The following RCBTB1 variants were observed in gnomAD, a reference collection of about 807,000 sequenced individuals.
RCBTB1 encodes RCC1 and BTB domain containing protein 1.
RCBTB1 carries 46 observed loss-of-function variants against 62.4 expected under a neutral mutation model. The ratio of observed to expected loss-of-function variants is 0.74; its 90% CI spans 0.58 to 0.94. The LOEUF is 0.94. RCBTB1 is among the 40% of genes least tolerant of loss of function. RCBTB1 has a pLI of 0.00. For missense variants in RCBTB1, 565 were observed against 654.9 expected (o/e 0.86, Z 1.50); for synonymous variants, 222 against 245.8 (o/e 0.90, Z 0.91).
In RCBTB1 at chr13:49,581,588, C is replaced by T. The variant is rs552913242; in HGVS notation, c.-121-1004G>A. ...ATTTGGAAATCTGGCATGAAATCAC[C>T]CAGGAAAAAAGCAAGTGAAATAAGG... On this transcript the variant is annotated intron_variant, in intron 1 of 12. Coordinates refer to ENST00000378302, the MANE Select transcript of RCBTB1 (RefSeq NM_018191.4). Among the ~76,000 whole-genome samples the T allele has an allele frequency of 2.0e-4, 30 of 152,078 alleles. No individual in the cohort carries two copies. In the South Asian group the frequency reaches 4.8e-3, roughly 24 times the overall value.
At chr13:49,558,730 A>G (rs2139223088) in intron 5 of RCBTB1, among the ~76,000 whole-genome samples, 1 of 150,266 alleles carries the variant, frequency 6.7e-6, no homozygotes, top group Middle Eastern at 3.4e-3. Context: ...CACAAAGTAG[A>G]CAATAACCAT....
chr13:49,551,603 T>C (rs1961349980), intron 7 of RCBTB1, 135 bp from the exon 8 acceptor site: 1 of 1,045,216 alleles, frequency 9.6e-7, no homozygotes, highest in Non-Finnish European at 1.4e-6. Context: ...GCTGGAACAT[T>C]AAAAAAGCAT....
At chr13:49,534,326 C>A in intron 12 of RCBTB1, 64 bp from the exon 13 acceptor site, 1 of 1,522,720 alleles carries the variant, frequency 6.6e-7, no homozygotes, top group Non-Finnish European at 8.9e-7. Context: ...TGAATTACTT[C>A]TCTCTGAGCC....
At chr13:49,549,319 C>T (rs1594274055) in intron 9 of RCBTB1, 139 bp downstream of exon 9, 3 of 724,188 alleles carry the variant, frequency 4.1e-6, no homozygotes, top group East Asian at 5.8e-5. Context: ...TGATTATGCA[C>T]ATCTATTTTG....
chr13:49,584,136 C>G (rs551736135), intron 1 of RCBTB1, among the ~76,000 whole-genome samples: 1 of 152,194 alleles, frequency 6.6e-6, no homozygotes, highest in African/African-American at 2.4e-5. Context: ...CATACGGGCA[C>G]GCTTTAAAAT....
chr13:49,546,105 C>A (rs1231311824), intron 9 of RCBTB1: 7 of 985,240 alleles, frequency 7.1e-6, no homozygotes, highest in Non-Finnish European at 8.4e-6. Context: ...CTAAGATGGG[C>A]CAAGAGTCCA....
intron 2 of RCBTB1, among the ~76,000 whole-genome samples, chr13:49,572,291 C>T (rs929415172): frequency 5.4e-5 from 8 of 148,766 alleles, no homozygotes; most frequent in Admixed American, 2.0e-4. Context: ...CATGCCACTG[C>T]ACTCCAGCCT....
At position 49,534,033 on chromosome 13, in the gene RCBTB1, T is replaced by G; in HGVS notation, c.*89A>C. On this transcript the variant is annotated 3_prime_UTR_variant, in exon 13 of 13. Transcript: ENST00000378302. ...AAAAACAACCTGATGGTCTTTTACC[T>G]GCAGAATCACATCACCCGTAGAGCA... 3 of 1,379,748 alleles carry G rather than the reference T, an allele frequency of 2.2e-6. No individual in the cohort carries two copies. The highest frequency in any genetic ancestry group is 1.4e-5 in the African/African-American group (1 of 68,992). The allele number at this position is 1,379,748 out of a possible 1,614,324, so 85.5% of individuals were successfully genotyped here. A position where few individuals can be genotyped will look rare whatever the true frequency, so the allele number is the denominator to read the frequency against.
chr13:49,558,695 C>CAAAA (rs1186659232), intron 5 of RCBTB1, among the ~76,000 whole-genome samples: 8,727 of 58,324 alleles, frequency 0.15, 358 homozygotes, highest in South Asian at 0.25. Context: ...ACTCTGTCTC[C>CAAAA]AAAAAAAAAA....
At chr13:49,552,478 A>G (rs1464085889) in intron 6 of RCBTB1, among the ~76,000 whole-genome samples, 193 bp from the exon 7 acceptor site, 4 of 152,190 alleles carry the variant, frequency 2.6e-5, no homozygotes, top group Non-Finnish European at 4.4e-5. Context: ...TTTCTACTCC[A>G]TGACTTACTA....
At chr13:49,555,483 T>G (rs1000537941) in intron 6 of RCBTB1, 32 bp downstream of exon 6, 2 of 1,578,688 alleles carry the variant, frequency 1.3e-6, no homozygotes, top group African/African-American at 1.3e-5. Flanking sequence ...AAAAAGAAGG[T>G]AGAAAGGGAA....
chr13:49,566,891 T>C (rs561276687), intron 3 of RCBTB1, 123 bp from the exon 4 acceptor site: 15 of 982,670 alleles, frequency 1.5e-5, no homozygotes, highest in Admixed American at 1.5e-4. Flanking sequence ...GAGACTGATA[T>C]GGTTGTTAAG....
Position 49,555,572 on chromosome 13 carries a change from C to T in RCBTB1, c.546G>A (p.Arg182=). 1 of 1,613,854 alleles carries T rather than the reference C, an allele frequency of 6.2e-7. No homozygotes were observed. The highest frequency in any genetic ancestry group is 8.5e-7 in the Non-Finnish European group (1 of 1,179,792). ...TCTGACCACAGGCAATGCCAACTAC[C>T]CTCTTAATATGTAAACAGTTTGTAA... The part of the protein sequence containing the change: ...RKVTNCLHIK[R]VVGIACGQTS... The change falls in exon 6 of 13, where the codon AGG becomes AGA. Residue 182 remains arginine (R), a synonymous_variant. Coordinates refer to ENST00000378302, the MANE Select transcript of RCBTB1 (RefSeq NM_018191.4).
At chr13:49,549,209 T>TACAGTTACAGG (rs1961101715) in intron 9 of RCBTB1, among the ~76,000 whole-genome samples, 1 of 151,328 alleles carries the variant, frequency 6.6e-6, no homozygotes, top group South Asian at 2.1e-4. Context: ...TTTACAATGG[T>TACAGTTACAGG]TAATTGCATG....
chr13:49,546,328 A>G, intron 9 of RCBTB1: 2 of 985,188 alleles, frequency 2.0e-6, no homozygotes, highest in Non-Finnish European at 2.4e-6. Flanking sequence ...TCACAAAGTG[A>G]GAGGGAAAAA....
chr13:49,567,143 G>C lies in RCBTB1; in HGVS notation c.126+11C>G. Reference sequence around the variant, plus strand: ...GTCCTAAAACGAAACTAGGTTTCAAGAGACTCTTACCTCATCATTGTCAGT... The same window carrying C: ...GTCCTAAAACGAAACTAGGTTTCAACAGACTCTTACCTCATCATTGTCAGT... On this transcript the variant is annotated intron_variant, in intron 3 of 12. Coordinates refer to ENST00000378302, the MANE Select transcript of RCBTB1 (RefSeq NM_018191.4). 1 of 1,613,002 alleles carries C rather than the reference G, an allele frequency of 6.2e-7. No individual in the cohort carries two copies.
chr13:49,575,461 T>A (rs890792278), intron 2 of RCBTB1, among the ~76,000 whole-genome samples: 2 of 150,040 alleles, frequency 1.3e-5, no homozygotes, highest in African/African-American at 4.9e-5. Context: ...CACCTGTATG[T>A]TCATCACAGC....
chr13:49,544,643 A>G, intron 10 of RCBTB1, 94 bp downstream of exon 10: 1 of 1,015,348 alleles, frequency 9.8e-7, no homozygotes, highest in Non-Finnish European at 1.4e-6. Flanking sequence ...ATTTCTCTCT[A>G]CTACCAAGGC....
chr13:49,549,541 G>A lies in RCBTB1; in HGVS notation c.962C>T (p.Pro321Leu), dbSNP rs758420965. 1.8e-5 allele frequency: 29 copies of A among 1,613,978 alleles called. No homozygotes were observed. The highest frequency in any genetic ancestry group is 2.3e-5 in the Non-Finnish European group (27 of 1,180,006). ...GQCRGQSVIL[P>L]HLTHFSCTDD... Reference sequence around the variant, plus strand: ...GGTGCAGGAGAAGTGGGTGAGGTGCGGGAGGATCACGGACTGACCCCGGCA... The same window carrying A: ...GGTGCAGGAGAAGTGGGTGAGGTGCAGGAGGATCACGGACTGACCCCGGCA... Residue 321 changes from proline (P) to leucine (L), a missense_variant, in exon 9 of 13, where the codon CCG becomes CTG. Coordinates refer to ENST00000378302, the MANE Select transcript of RCBTB1 (RefSeq NM_018191.4).
Sources: gnomAD v4.1 joint callset for allele counts (sites outside exome capture counted in the v4.1 genomes callset) on GRCh38, gnomAD v4.1.1 for gene constraint, MANE v1.5 for transcripts, NCBI Gene and HGNC (gene_info 2026-07-23, HGNC 2026-07-21) for gene names.